The following HDAC9 variants were observed in gnomAD, a reference collection of about 807,000 sequenced individuals.
HDAC9 encodes the protein MEF-2 interacting transcription repressor (MITR) protein.
HDAC9 carries 41 observed loss-of-function variants against 139.4 expected under a neutral mutation model. The observed-to-expected ratio is 0.29, with a 90% confidence interval of 0.23 to 0.38. The LOEUF is 0.38. HDAC9 is among the 10% of genes least tolerant of loss of function. The pLI is 1.00. For missense variants in HDAC9, 1,147 were observed against 1,297.0 expected, an observed-to-expected ratio of 0.88 and a Z score of 1.78; for synonymous variants, 517 against 476.2, an observed-to-expected ratio of 1.09 and a Z score of -1.12.
chr7:18,151,566 G>A (rs1441148619), intron 1 of HDAC9, among the ~76,000 whole-genome samples: 1 of 152,166 alleles, frequency 6.6e-6, no homozygotes, highest in Non-Finnish European at 1.5e-5. Context: ...GTTCTTCGAA[G>A]AGATGATAGA....
At chr7:18,426,243 A>G (rs1175431615) in intron 1 of HDAC9, among the ~76,000 whole-genome samples, 2 of 152,200 alleles carry the variant, frequency 1.3e-5, no homozygotes, top group Non-Finnish European at 2.9e-5. Context: ...TTTTTTGTTC[A>G]TAGCAATCTC....
chr7:18,901,959 C>G (rs556698628), intron 22 of HDAC9, among the ~76,000 whole-genome samples: 5 of 152,170 alleles, frequency 3.3e-5, no homozygotes, highest in Admixed American at 2.6e-4. Context: ...TTCTTCTACC[C>G]TTTCAGGAAC....
At chr7:18,697,239 G>A (rs114184559) in intron 12 of HDAC9, among the ~76,000 whole-genome samples, 2,902 of 152,144 alleles carry the variant, frequency 0.019, 100 homozygotes, top group African/African-American at 0.065. Context: ...TCATGACGAG[G>A]CCCAGCCTAT....
Position 19,002,252 on chromosome 7 carries a change from T to G in HDAC9, c.*6190T>G, listed in dbSNP as rs1460180281. ...GGAATGTCCACCTTCTTCTGATTCC[T>G]TTTTTGTATTTGAAAATGCAATGGT... On this transcript the variant is annotated 3_prime_UTR_variant, in exon 26 of 26. Coordinates refer to ENST00000686413, the MANE Select transcript of HDAC9 (RefSeq NM_178425.4). 1 of 152,154 alleles carries G rather than the reference T, an allele frequency of 6.6e-6. No individual in the cohort carries two copies. Among genetic ancestry groups the G allele is most frequent in the Non-Finnish European group, 1.5e-5 (1 of 67,976 alleles). The allele number at this position is 152,154 out of a possible 1,614,324, so 9.4% of individuals were successfully genotyped here.
At chr7:18,342,847 C>T (rs1005045096) in intron 1 of HDAC9, among the ~76,000 whole-genome samples, 10 of 151,742 alleles carry the variant, frequency 6.6e-5, no homozygotes, top group Admixed American at 4.6e-4. Flanking sequence ...TGAATATTTG[C>T]GTTATGTGCA....
chr7:18,190,063 C>T (rs796874870), intron 2 of HDAC9, among the ~76,000 whole-genome samples: 9 of 152,106 alleles, frequency 5.9e-5, no homozygotes, highest in African/African-American at 1.7e-4. Context: ...CCTCAACCTC[C>T]CAACTAGCTG....
At chr7:18,826,941 A>T (rs550603472) in intron 17 of HDAC9, among the ~76,000 whole-genome samples, 2 of 151,820 alleles carry the variant, frequency 1.3e-5, no homozygotes, top group African/African-American at 2.4e-5. Context: ...CATTTTTGTT[A>T]TAAAACTATT....
chr7:18,157,424 T>A (rs1464663889), intron 1 of HDAC9, among the ~76,000 whole-genome samples: 1 of 152,142 alleles, frequency 6.6e-6, no homozygotes, highest in Non-Finnish European at 1.5e-5. Flanking sequence ...ACTAAGGAGC[T>A]GTGTGTCACC....
chr7:18,518,302 C>T, intron 2 of HDAC9, among the ~76,000 whole-genome samples: 1 of 152,070 alleles, frequency 6.6e-6, no homozygotes, highest in East Asian at 1.9e-4. Context: ...CTTGGAGAGC[C>T]CAAGGGATCT....
intron 25 of HDAC9, among the ~76,000 whole-genome samples, chr7:18,980,859 T>G (rs980459219): frequency 6.6e-6 from 1 of 151,318 alleles, no homozygotes; most frequent in African/African-American, 2.4e-5. Context: ...AGTCTCACTC[T>G]GTCACCCAGG....
chr7:18,960,009 AACACACAC>A (rs58030908), intron 24 of HDAC9, among the ~76,000 whole-genome samples: 18,822 of 148,930 alleles, frequency 0.13, 1,396 homozygotes, highest in East Asian at 0.26. Context: ...TGTTGTTTTA[AACACACAC>A]ACACACACAC....
chr7:18,502,835 C>G (rs1798743502), intron 2 of HDAC9, among the ~76,000 whole-genome samples: 1 of 152,220 alleles, frequency 6.6e-6, no homozygotes, highest in Admixed American at 6.5e-5. Flanking sequence ...TCATGCCTTA[C>G]AAGCATTTAT....
At chr7:18,451,368 C>CGTGTGGGTGT in intron 1 of HDAC9, among the ~76,000 whole-genome samples, 1 of 138,884 alleles carries the variant, frequency 7.2e-6, no homozygotes, top group East Asian at 2.1e-4. Flanking sequence ...TGTATATGTG[C>CGTGTGGGTGT]GTGTGTGTGT....
intron 11 of HDAC9, among the ~76,000 whole-genome samples, chr7:18,662,592 C>G (rs1292140982): frequency 2.0e-5 from 3 of 151,898 alleles, no homozygotes; most frequent in African/African-American, 7.3e-5. Flanking sequence ...AGACATTTCA[C>G]TCATTGCAAC....
At chr7:18,242,385 C>T (rs1325571669) in intron 2 of HDAC9, among the ~76,000 whole-genome samples, 14 of 152,010 alleles carry the variant, frequency 9.2e-5, no homozygotes, top group East Asian at 5.8e-4. Flanking sequence ...AACAGAAGTC[C>T]GATTGATTTG....
At chr7:18,904,572 CTTTTTTTTTTT>C (rs71017010) in intron 22 of HDAC9, among the ~76,000 whole-genome samples, 3 of 71,942 alleles carry the variant, frequency 4.2e-5, no homozygotes, top group African/African-American at 1.8e-4. Flanking sequence ...CTCCCCATTT[CTTTTTTTTTTT>C]TTTTTTTTTT....
chr7:18,855,653 G>T (rs930420709), intron 21 of HDAC9, among the ~76,000 whole-genome samples: 1 of 151,902 alleles, frequency 6.6e-6, no homozygotes, highest in Non-Finnish European at 1.5e-5. Flanking sequence ...GTGGTTGTTA[G>T]CCCCTTATTT....
At chr7:18,808,904 G>T (rs543750431) in intron 17 of HDAC9, among the ~76,000 whole-genome samples, 2 of 151,666 alleles carry the variant, frequency 1.3e-5, no homozygotes, top group East Asian at 3.9e-4. Flanking sequence ...CAACAAAAAC[G>T]AAGATGAAGA....
At chr7:18,540,241 C>G (rs1812367893) in intron 2 of HDAC9, among the ~76,000 whole-genome samples, 1 of 148,368 alleles carries the variant, frequency 6.7e-6, no homozygotes, top group African/African-American at 2.5e-5. Flanking sequence ...CCACTGCACT[C>G]CAGCCTGGGC....
Sources: gnomAD v4.1 joint callset for allele counts (sites outside exome capture counted in the v4.1 genomes callset) on GRCh38, gnomAD v4.1.1 for gene constraint, MANE v1.5 for transcripts, NCBI Gene and HGNC (gene_info 2026-07-23, HGNC 2026-07-21) for gene names.